Variants in KCNAB1 observed in about 807,000 individuals in gnomAD.
The protein encoded by KCNAB1 is potassium voltage-gated channel subfamily A regulatory beta subunit 1.
KCNAB1 carries 35 observed loss-of-function variants against 64.6 expected under a neutral mutation model. The ratio of observed to expected loss-of-function variants is 0.54; its 90% CI spans 0.41 to 0.72. KCNAB1 has a LOEUF of 0.72. KCNAB1 is among the 30% of genes least tolerant of loss of function. The pLI, the probability that KCNAB1 is intolerant of heterozygous loss-of-function variation, is 0.00. For synonymous variants in KCNAB1, 177 were observed against 183.8 expected, an observed-to-expected ratio of 0.96 and a Z score of 0.30; for missense variants, 401 against 512.9, an observed-to-expected ratio of 0.78 and a Z score of 2.11.
intron 1 of KCNAB1, among the ~76,000 whole-genome samples, chr3:156,360,524 A>G (rs1346997398): frequency 6.6e-6 from 1 of 152,152 alleles, no homozygotes; most frequent in Non-Finnish European, 1.5e-5. Flanking sequence ...ACCCTGGGCA[A>G]CATGGCAAGA....
chr3:156,326,559 G>A lies in KCNAB1; in HGVS notation c.276-95057G>A, dbSNP rs114240835. ...GTCTACTCTGACTCTATGAGATCTGGCATCTAGCAACTTCTCCAACCTCAA... is the reference window on the plus strand; with the variant it reads ...GTCTACTCTGACTCTATGAGATCTGACATCTAGCAACTTCTCCAACCTCAA... On this transcript the variant is annotated intron_variant, in intron 1 of 13. Coordinates refer to ENST00000490337, the MANE Select transcript of KCNAB1 (RefSeq NM_172160.3). Among the ~76,000 whole-genome samples the A allele has an allele frequency of 4.8e-3, 733 of 152,208 alleles. 4 individuals are homozygous for A. Among genetic ancestry groups the A allele is most frequent in the African/African-American group, 0.017 (688 of 41,528 alleles).
At position 156,182,767 on chromosome 3, in the gene KCNAB1, C is replaced by T. The variant is rs545291049; in HGVS notation, c.275+61881C>T. Among the ~76,000 whole-genome samples, 120 of 149,902 alleles carry T rather than the reference C, an allele frequency of 8.0e-4. 1 individual carries two copies. The South Asian group carries it at 0.017, about 21-fold the overall frequency. Reference sequence around the variant, plus strand: ...GGGTTGGAGTGCACTGGTGCCATCTCGGCTCAAGGCAACCTCTGCCTCCCA... The same window carrying T: ...GGGTTGGAGTGCACTGGTGCCATCTTGGCTCAAGGCAACCTCTGCCTCCCA... On this transcript the variant is annotated intron_variant, in intron 1 of 13. Coordinates refer to ENST00000490337, the MANE Select transcript of KCNAB1 (RefSeq NM_172160.3).
chr3:156,350,294 A>T (rs1724772122), intron 1 of KCNAB1, among the ~76,000 whole-genome samples: 1 of 152,198 alleles, frequency 6.6e-6, no homozygotes. Flanking sequence ...TTATGCCTGT[A>T]ATCCCAGCAC....
At chr3:156,293,514 G>A (rs1484966482) in intron 1 of KCNAB1, among the ~76,000 whole-genome samples, 1 of 152,166 alleles carries the variant, frequency 6.6e-6, no homozygotes, top group Non-Finnish European at 1.5e-5. Context: ...AGAGTTACAG[G>A]AAAGTTTCTC....
intron 8 of KCNAB1, among the ~76,000 whole-genome samples, chr3:156,506,390 T>TAA (rs2108377094): frequency 6.6e-6 from 1 of 152,300 alleles, no homozygotes; most frequent in Admixed American, 6.5e-5. Flanking sequence ...AAAGTGAGAC[T>TAA]AAAAGTGTCC....
intron 5 of KCNAB1, among the ~76,000 whole-genome samples, chr3:156,461,637 T>C (rs1221478577): frequency 3.3e-5 from 5 of 152,188 alleles, no homozygotes; most frequent in African/African-American, 1.2e-4. Flanking sequence ...CAACAAGGCG[T>C]AGGCTGCTGG....
chr3:156,143,283 C>A (rs1171990543), intron 1 of KCNAB1: 2 of 1,613,866 alleles, frequency 1.2e-6, no homozygotes, highest in Admixed American at 3.3e-5. Context: ...TAGCAGTGAC[C>A]AAGACTCAGC....
At chr3:156,203,918 T>C (rs1714493583) in intron 1 of KCNAB1, among the ~76,000 whole-genome samples, 1 of 152,232 alleles carries the variant, frequency 6.6e-6, no homozygotes, top group African/African-American at 2.4e-5. Context: ...TAAACTTCTG[T>C]GATTACTCAT....
chr3:156,469,929 C>T (rs1282179767), intron 7 of KCNAB1, among the ~76,000 whole-genome samples: 1 of 152,162 alleles, frequency 6.6e-6, no homozygotes, highest in Non-Finnish European at 1.5e-5. Flanking sequence ...GTACTTGGTT[C>T]TGTGATGAAG....
intron 8 of KCNAB1, among the ~76,000 whole-genome samples, chr3:156,504,396 A>G (rs1197490875): frequency 6.6e-6 from 1 of 152,156 alleles, no homozygotes; most frequent in Non-Finnish European, 1.5e-5. Flanking sequence ...TCTCTTCAAC[A>G]TATGATTTCC....
intron 1 of KCNAB1, among the ~76,000 whole-genome samples, chr3:156,407,424 T>G (rs1714321589): frequency 6.6e-6 from 1 of 152,226 alleles, no homozygotes; most frequent in Non-Finnish European, 1.5e-5. Context: ...TTGAAGTTAT[T>G]TCTGTGTTTA....
intron 1 of KCNAB1, among the ~76,000 whole-genome samples, chr3:156,204,446 G>A (rs536582740): frequency 1.3e-5 from 2 of 152,218 alleles, no homozygotes; most frequent in East Asian, 1.9e-4. Flanking sequence ...TATCTTATAG[G>A]CATTTTCAAA....
intron 1 of KCNAB1, among the ~76,000 whole-genome samples, chr3:156,170,191 A>T (rs933749888): frequency 6.6e-6 from 1 of 150,488 alleles, no homozygotes. Context: ...TGTGGGGCCA[A>T]TCGTCATGGG....
At chr3:156,125,507 G>A (rs562869626) in intron 1 of KCNAB1, among the ~76,000 whole-genome samples, 6 of 152,186 alleles carry the variant, frequency 3.9e-5, no homozygotes, top group African/African-American at 1.4e-4. Context: ...CATTTCAAAC[G>A]ATAGTTGACT....
At chr3:156,265,540 A>G (rs1017174196) in intron 1 of KCNAB1, among the ~76,000 whole-genome samples, 6 of 152,180 alleles carry the variant, frequency 3.9e-5, no homozygotes, top group African/African-American at 1.4e-4. Context: ...ACCTGAGCCA[A>G]CACTGCTGTC....
chr3:156,284,148 G>A (rs1390216203), intron 1 of KCNAB1, among the ~76,000 whole-genome samples: 1 of 152,124 alleles, frequency 6.6e-6, no homozygotes, highest in Non-Finnish European at 1.5e-5. Flanking sequence ...GGTTTTTGGT[G>A]TGGGTGTCCT....
At chr3:156,495,391 A>G (rs1235491692) in intron 8 of KCNAB1, among the ~76,000 whole-genome samples, 4 of 152,232 alleles carry the variant, frequency 2.6e-5, no homozygotes, top group Non-Finnish European at 4.4e-5. Flanking sequence ...ATGTATCCAA[A>G]GGAATATAAA....
chr3:156,368,630 A>G (rs920476553), intron 1 of KCNAB1, among the ~76,000 whole-genome samples: 6 of 152,344 alleles, frequency 3.9e-5, no homozygotes, highest in Non-Finnish European at 8.8e-5. Flanking sequence ...GTAGAATGGC[A>G]TCAATGTGCC....
chr3:156,358,641 T>C (rs1195646701), intron 1 of KCNAB1, among the ~76,000 whole-genome samples: 7 of 151,130 alleles, frequency 4.6e-5, no homozygotes, highest in Admixed American at 4.6e-4. Flanking sequence ...ATTATATTAG[T>C]TATCCCTGGT....
Sources: gnomAD v4.1 joint callset for allele counts (sites outside exome capture counted in the v4.1 genomes callset) on GRCh38, gnomAD v4.1.1 for gene constraint, MANE v1.5 for transcripts, NCBI Gene and HGNC (gene_info 2026-07-23, HGNC 2026-07-21) for gene names.